Variants in USH2A observed in about 807,000 individuals in gnomAD.
USH2A encodes usherin.
In USH2A, 443 loss-of-function variants were observed where a neutral mutation model predicts 538.9. The ratio of observed to expected loss-of-function variants is 0.82; its 90% CI spans 0.76 to 0.89. The LOEUF is 0.89. Among genes scored for constraint, USH2A ranks in the 40% least tolerant of loss-of-function variants. USH2A has a pLI of 0.00. For synonymous variants in USH2A, 2,413 were observed against 2,273.5 expected, an observed-to-expected ratio of 1.06 and a Z score of -1.75; for missense variants, 6,633 against 6,324.8, an observed-to-expected ratio of 1.05 and a Z score of -1.65.
chr1:216,371,932 T>C (rs983238362), intron 3 of USH2A, among the ~76,000 whole-genome samples: 1 of 152,254 alleles, frequency 6.6e-6, no homozygotes, highest in Admixed American at 6.5e-5. Flanking sequence ...TGGCCTTGTT[T>C]ACTGACATGA....
intron 21 of USH2A, among the ~76,000 whole-genome samples, chr1:216,146,242 T>C (rs1399404285): frequency 6.6e-6 from 1 of 152,164 alleles, no homozygotes; most frequent in Non-Finnish European, 1.5e-5. Flanking sequence ...TCCCTCACTA[T>C]CCCTCAACCG....
In USH2A at chr1:215,623,272, T is replaced by TAAAG. The variant is rs1161374400; in HGVS notation, c.*2505_*2508dup. On this transcript the variant is annotated 3_prime_UTR_variant, in exon 72 of 72. Transcript: ENST00000307340. The stretch of plus-strand genomic sequence containing the variant: ...AAATGTGAGTCAGGAGATTTAAATT[T>TAAAG]AAAGAGGTTCATCAAGAACTGCTCA... 1.3e-5 allele frequency: 2 copies of TAAAG among 152,144 alleles called. No homozygotes were observed. Among genetic ancestry groups the TAAAG allele is most frequent in the Non-Finnish European group, 2.9e-5 (2 of 67,986 alleles). The allele number at this position is 152,144 out of a possible 1,614,324, so 9.4% of individuals were successfully genotyped here.
At chr1:215,771,532 A>T (rs1214511940) in intron 55 of USH2A, among the ~76,000 whole-genome samples, 2 of 126,532 alleles carry the variant, frequency 1.6e-5, no homozygotes, top group African/African-American at 3.0e-5. Flanking sequence ...GTGAGCCGAG[A>T]TCCCGCCACT....
intron 3 of USH2A, among the ~76,000 whole-genome samples, chr1:216,374,093 G>A (rs937090144): frequency 8.0e-6 from 1 of 124,682 alleles, no homozygotes; most frequent in Admixed American, 9.2e-5. Context: ...TCACACACTG[G>A]GGACTTTTGT....
At chr1:216,023,779 A>T (rs957515526) in intron 32 of USH2A, among the ~76,000 whole-genome samples, 1 of 152,144 alleles carries the variant, frequency 6.6e-6, no homozygotes, top group Non-Finnish European at 1.5e-5. Flanking sequence ...CTAAAAATTA[A>T]TAAAAGGGAT....
At chr1:216,112,409 G>T (rs2102586702) in intron 21 of USH2A, among the ~76,000 whole-genome samples, 1 of 152,246 alleles carries the variant, frequency 6.6e-6, no homozygotes, top group South Asian at 2.1e-4. Context: ...TGTAAAAGAA[G>T]TGTTGAGAAA....
In USH2A at chr1:215,928,568, C is replaced by A. The variant is rs188462067; in HGVS notation, c.7300+6048G>T. ...ATCAGGCTCCAGTAAATCATACATTCCAGCATACATGCTTTTTGACTTGGG... is the reference window on the plus strand; with the variant it reads ...ATCAGGCTCCAGTAAATCATACATTACAGCATACATGCTTTTTGACTTGGG... On this transcript the variant is annotated intron_variant, in intron 38 of 71. Coordinates refer to ENST00000307340, the MANE Select transcript of USH2A (RefSeq NM_206933.4). 2.6e-5 allele frequency among the ~76,000 whole-genome samples: 4 copies of A among 152,194 alleles called. No homozygotes were observed. The East Asian group carries it at 7.7e-4, about 29-fold the overall frequency.
intron 42 of USH2A, 78 bp from the exon 43 acceptor site, chr1:215,877,958 G>A: frequency 6.3e-7 from 1 of 1,588,674 alleles, no homozygotes; most frequent in South Asian, 1.1e-5. Context: ...CTGTTCTGTG[G>A]CATGTGCGTG....
At chr1:215,881,051 A>AGCAGAGATT (rs1664891993) in intron 41 of USH2A, among the ~76,000 whole-genome samples, 1 of 152,202 alleles carries the variant, frequency 6.6e-6, no homozygotes, top group Admixed American at 6.5e-5. Context: ...GGCTGCACTG[A>AGCAGAGATT]GCAGAGATTG....
At chr1:215,837,846 G>T in intron 47 of USH2A, 145 bp downstream of exon 47, 2 of 722,870 alleles carry the variant, frequency 2.8e-6, no homozygotes, top group Non-Finnish European at 4.9e-6. Flanking sequence ...TAATATCTGT[G>T]AAATAATATC....
intron 4 of USH2A, among the ~76,000 whole-genome samples, chr1:216,349,751 C>T (rs1431357729): frequency 6.6e-6 from 1 of 152,160 alleles, no homozygotes; most frequent in East Asian, 1.9e-4. Context: ...AAGAAAAAAC[C>T]ATAAAAATGG....
Position 215,972,808 on chromosome 1 carries a change from G to A in USH2A, c.6806-2032C>T, listed in dbSNP as rs540498038. On this transcript the variant is annotated intron_variant, in intron 35 of 71. Transcript: ENST00000307340. ...TCTAAACACACAAAAAGATGTGGCT[G>A]CCAGTATCTGTTTTTCTTTATTTCT... Among the ~76,000 whole-genome samples, 85 of 152,190 alleles carry A rather than the reference G, an allele frequency of 5.6e-4. 1 individual carries two copies. Among genetic ancestry groups the A allele is most frequent in the African/African-American group, 2.0e-3 (82 of 41,536 alleles).
chr1:215,750,842 C>A (rs1660603555), intron 58 of USH2A, among the ~76,000 whole-genome samples: 2 of 152,046 alleles, frequency 1.3e-5, no homozygotes, highest in Admixed American at 1.3e-4. Flanking sequence ...AACAATAGGA[C>A]ATACTATATT....
chr1:215,757,985 G>C (rs950930611), intron 58 of USH2A, among the ~76,000 whole-genome samples: 1 of 152,136 alleles, frequency 6.6e-6, no homozygotes, highest in African/African-American at 2.4e-5. Flanking sequence ...GACTTGCATT[G>C]GATATATAGA....
Position 215,846,008 on chromosome 1 carries a change from A to G in USH2A, c.8871T>C (p.Val2957=), listed in dbSNP as rs750049598. 3.7e-6 allele frequency: 6 copies of G among 1,613,832 alleles called. No homozygotes were observed. In the Admixed American group the frequency reaches 1.0e-4, roughly 27 times the overall value. ...KPTVQDLQGE[V]EYYTLFWSSA... ...AACTCCAAAAAAGTGTGTAATATTC[A>G]ACTTCACCTTGTAGGTCTTGAACAG... Residue 2957 remains valine, a synonymous_variant, in exon 45 of 72, where the codon GTT becomes GTC. Transcript: ENST00000307340.
At chr1:216,038,995 C>T (rs772625071) in intron 32 of USH2A, among the ~76,000 whole-genome samples, 19 of 151,900 alleles carry the variant, frequency 1.3e-4, no homozygotes, top group Non-Finnish European at 1.8e-4. Context: ...TATTTGGGTA[C>T]GGGTCTTAAA....
At position 216,289,787 on chromosome 1, in the gene USH2A, T is replaced by C. The variant is rs2036965765; in HGVS notation, c.1841-377A>G. Among the ~76,000 whole-genome samples the C allele has an allele frequency of 6.6e-6, 1 of 152,156 alleles. No individual in the cohort carries two copies. The highest frequency in any genetic ancestry group is 1.5e-5 in the Non-Finnish European group (1 of 68,004). The stretch of plus-strand genomic sequence containing the variant: ...CTACATATGTGGTAGATGATACTTA[T>C]ACAGTAAGAAGCAAGCAGGTATGTA... On this transcript the variant is annotated intron_variant, in intron 10 of 71. Transcript: ENST00000307340.
chr1:215,976,469 T>A (rs1443930077), intron 35 of USH2A, among the ~76,000 whole-genome samples: 1 of 152,148 alleles, frequency 6.6e-6, no homozygotes, highest in African/African-American at 2.4e-5. Context: ...GCTCTTATTA[T>A]TTTGAAGTAT....
chr1:216,024,082 A>G (rs1368998046), intron 32 of USH2A, among the ~76,000 whole-genome samples: 1 of 152,120 alleles, frequency 6.6e-6, no homozygotes, highest in Non-Finnish European at 1.5e-5. Context: ...TCTTTGATGC[A>G]CTTGCTATTG....
Sources: allele counts gnomAD v4.1 joint callset (sites outside exome capture counted in the v4.1 genomes callset), GRCh38; gene constraint gnomAD v4.1.1; transcripts MANE v1.5; gene names NCBI Gene and HGNC (gene_info 2026-07-23, HGNC 2026-07-21).